The following RPTOR variants were observed in gnomAD, a reference collection of about 807,000 sequenced individuals.
RPTOR encodes the protein regulatory-associated protein of mTOR.
In RPTOR, 21 loss-of-function variants were observed where a neutral mutation model predicts 169.9. The ratio of observed to expected loss-of-function variants is 0.12; its 90% CI spans 0.09 to 0.18. The LOEUF is 0.18. Among genes scored for constraint, RPTOR ranks in the 10% least tolerant of loss-of-function variants. The probability of loss-of-function intolerance (pLI) is 1.00; values close to 1 mark genes in which losing one functional copy is unlikely to be tolerated. For missense variants in RPTOR, 1,133 were observed against 1,855.9 expected, an observed-to-expected ratio of 0.61 and a Z score of 7.16; for synonymous variants, 732 against 753.2, an observed-to-expected ratio of 0.97 and a Z score of 0.46.
At chr17:80,895,205 C>A (rs1241765973) in intron 20 of RPTOR, among the ~76,000 whole-genome samples, 2 of 152,208 alleles carry the variant, frequency 1.3e-5, no homozygotes, top group African/African-American at 4.8e-5. Context: ...TGGGCCCCAG[C>A]CTACCCGGCC....
intron 20 of RPTOR, among the ~76,000 whole-genome samples, chr17:80,904,847 A>T (rs1178274417): frequency 1.3e-5 from 2 of 152,244 alleles, no homozygotes; most frequent in African/African-American, 4.8e-5. Context: ...TTCCGTGATC[A>T]CAGCGTCATA....
Position 80,861,506 on chromosome 17 carries a change from A to G in RPTOR, c.1509+3606A>G, listed in dbSNP as rs1228734916. The stretch of plus-strand genomic sequence containing the variant: ...ATGTAAACAAAGGGTGTTTGGCAGG[A>G]AGTCATTTTGAAACGTGGTTTCTGT... On this transcript the variant is annotated intron_variant, in intron 13 of 33. Coordinates refer to ENST00000306801, the MANE Select transcript of RPTOR (RefSeq NM_020761.3). This position sits in a 1 kb window ranked among gnomAD's most constrained non-coding sequence, Gnocchi z 4.5. Among the ~76,000 whole-genome samples, 1 of 106,272 alleles carries G rather than the reference A, an allele frequency of 9.4e-6. No homozygotes were observed. The highest frequency in any genetic ancestry group is 2.7e-5 in the African/African-American group (1 of 37,134). The allele number at this position is 106,272 out of a possible 152,430, so 69.7% of individuals were successfully genotyped here.
At chr17:80,578,556 A>G (rs944831910) in intron 1 of RPTOR, among the ~76,000 whole-genome samples, 9 of 152,324 alleles carry the variant, frequency 5.9e-5, no homozygotes, top group Middle Eastern at 6.8e-3. Context: ...ACCAAGATCC[A>G]GTAAAGAAGA....
intron 2 of RPTOR, among the ~76,000 whole-genome samples, chr17:80,634,911 G>T (rs2065493974): frequency 6.6e-6 from 1 of 151,930 alleles, no homozygotes; most frequent in Non-Finnish European, 1.5e-5. Context: ...GTGTGCGTGT[G>T]CATACTGTGT....
intron 21 of RPTOR, among the ~76,000 whole-genome samples, chr17:80,917,174 G>A (rs1443878923): frequency 3.3e-5 from 5 of 150,608 alleles, no homozygotes; most frequent in Non-Finnish European, 4.4e-5. Flanking sequence ...GTGCAGTGGC[G>A]CGATCTCAGC....
At chr17:80,600,173 G>A (rs1359195132) in intron 1 of RPTOR, among the ~76,000 whole-genome samples, 2 of 152,196 alleles carry the variant, frequency 1.3e-5, no homozygotes, top group South Asian at 2.1e-4. Context: ...TCCAAAGGGC[G>A]TTGTCATGCC....
chr17:80,841,541 C>T (rs1460246287), intron 10 of RPTOR, among the ~76,000 whole-genome samples: 1 of 136,486 alleles, frequency 7.3e-6, no homozygotes, highest in Non-Finnish European at 1.6e-5. Context: ...TCTCACCACA[C>T]GGCAGCTCAC....
At chr17:80,649,584 G>A (rs964489895) in intron 3 of RPTOR, among the ~76,000 whole-genome samples, 3 of 152,160 alleles carry the variant, frequency 2.0e-5, no homozygotes, top group African/African-American at 7.2e-5. Context: ...TACCTGGTGT[G>A]AAGCACTTTG....
intron 32 of RPTOR, 92 bp from the exon 33 acceptor site, chr17:80,962,836 A>G: frequency 1.3e-6 from 2 of 1,572,340 alleles, no homozygotes; most frequent in Non-Finnish European, 1.7e-6. Flanking sequence ...CCCGTGGTCT[A>G]GCCGGCCTGT....
At chr17:80,797,410 A>G (rs56023581) in intron 7 of RPTOR, among the ~76,000 whole-genome samples, 5,702 of 152,320 alleles carry the variant, frequency 0.037, 155 homozygotes, top group East Asian at 0.11. Context: ...GGTCTCCCAA[A>G]GTGCTGGGAT....
At chr17:80,876,794 G>A (rs1185457390) in intron 13 of RPTOR, among the ~76,000 whole-genome samples, 3 of 114,798 alleles carry the variant, frequency 2.6e-5, no homozygotes, top group African/African-American at 7.0e-5. Flanking sequence ...CACCGAGCCC[G>A]TGCCACACAG....
chr17:80,627,298 G>A (rs2065403530), intron 2 of RPTOR, among the ~76,000 whole-genome samples: 1 of 152,230 alleles, frequency 6.6e-6, no homozygotes, highest in Non-Finnish European at 1.5e-5. Context: ...GGGATTACAG[G>A]CGTGAGACAC....
chr17:80,560,553 C>T (rs575287041), intron 1 of RPTOR, among the ~76,000 whole-genome samples: 18 of 152,086 alleles, frequency 1.2e-4, no homozygotes, highest in Admixed American at 4.6e-4. Context: ...AGCTCTAAGC[C>T]AGTAGCTGAA....
chr17:80,899,401 T>G (rs2143901127), intron 20 of RPTOR, among the ~76,000 whole-genome samples: 1 of 152,356 alleles, frequency 6.6e-6, no homozygotes, highest in South Asian at 2.1e-4. Flanking sequence ...TGAAAAAAGG[T>G]ATTTAAAAAT....
chr17:80,812,342 T>G (rs1178428460), intron 7 of RPTOR, among the ~76,000 whole-genome samples: 2 of 150,134 alleles, frequency 1.3e-5, no homozygotes, highest in Admixed American at 6.7e-5. Context: ...AATTACCTGT[T>G]TTTTTTTTTA....
At chr17:80,631,507 G>T (rs569905465) in intron 2 of RPTOR, among the ~76,000 whole-genome samples, 1 of 152,270 alleles carries the variant, frequency 6.6e-6, no homozygotes, top group African/African-American at 2.4e-5. Context: ...CTGTGCATGT[G>T]CCCGGGCTTT....
intron 1 of RPTOR, among the ~76,000 whole-genome samples, chr17:80,597,118 A>T (rs1284455288): frequency 5.9e-5 from 9 of 152,202 alleles, no homozygotes; most frequent in Non-Finnish European, 1.3e-4. Flanking sequence ...GACGCACAGA[A>T]AGGGAAGGCA....
chr17:80,616,574 G>A (rs1342660701), intron 1 of RPTOR, among the ~76,000 whole-genome samples: 2 of 152,136 alleles, frequency 1.3e-5, no homozygotes, highest in Admixed American at 1.3e-4. Context: ...AGGGATTATA[G>A]GCATGAGCCA....
intron 3 of RPTOR, among the ~76,000 whole-genome samples, chr17:80,663,133 G>A (rs1447458848): frequency 2.0e-5 from 3 of 152,104 alleles, no homozygotes; most frequent in East Asian, 3.8e-4. Flanking sequence ...AGACTCGTCC[G>A]GGCGGCAGCT....
Sources: allele counts gnomAD v4.1 joint callset (sites outside exome capture counted in the v4.1 genomes callset), GRCh38; gene constraint gnomAD v4.1.1; non-coding constraint Gnocchi (gnomAD v3.1); transcripts MANE v1.5; gene names NCBI Gene and HGNC (gene_info 2026-07-23, HGNC 2026-07-21).